The following GUCY1A2 variants were observed in gnomAD, a reference collection of about 807,000 sequenced individuals.
The protein encoded by GUCY1A2 is guanylate cyclase soluble subunit alpha-2.
GUCY1A2 carries 27 observed loss-of-function variants against 63.5 expected under a neutral mutation model. The observed-to-expected ratio is 0.43, with a 90% confidence interval of 0.31 to 0.59. GUCY1A2 has a LOEUF of 0.59. Among genes scored for constraint, GUCY1A2 ranks in the 20% least tolerant of loss-of-function variants. GUCY1A2 has a pLI of 0.11. For synonymous variants in GUCY1A2, 364 were observed against 343.5 expected (o/e 1.06, Z -0.66); for missense variants, 768 against 913.3 (o/e 0.84, Z 2.05).
chr11:106,836,635 T>C (rs190124605), intron 4 of GUCY1A2, among the ~76,000 whole-genome samples: 1 of 151,992 alleles, frequency 6.6e-6, no homozygotes, highest in East Asian at 1.9e-4. Context: ...CTGTAAAAAA[T>C]ACACAAAAAC....
chr11:106,870,090 C>T (rs1277311802), intron 4 of GUCY1A2, among the ~76,000 whole-genome samples: 1 of 120,936 alleles, frequency 8.3e-6, no homozygotes, highest in Non-Finnish European at 1.6e-5. Context: ...GAACATCACA[C>T]ACCAGGGCCT....
intron 6 of GUCY1A2, among the ~76,000 whole-genome samples, chr11:106,759,199 ATAGC>A (rs893333414): frequency 6.6e-6 from 1 of 151,988 alleles, no homozygotes; most frequent in Non-Finnish European, 1.5e-5. Context: ...TGCAACAGTC[ATAGC>A]TAGGGGATGG....
intron 4 of GUCY1A2, among the ~76,000 whole-genome samples, chr11:106,909,355 C>CTGTGTGTGTGTGCGTGTGTG (rs1860259675): frequency 8.3e-6 from 1 of 119,980 alleles, no homozygotes; most frequent in Admixed American, 9.0e-5. Flanking sequence ...TGGTACTCAT[C>CTGTGTGTGTGTGCGTGTGTG]TGTGTGTGTG....
intron 6 of GUCY1A2, among the ~76,000 whole-genome samples, chr11:106,739,135 T>G (rs1018703803): frequency 6.6e-6 from 1 of 152,152 alleles, no homozygotes; most frequent in African/African-American, 2.4e-5. Flanking sequence ...TTCCTAGGTA[T>G]TTTATTCTCT....
At chr11:106,950,454 C>T (rs1423852479) in intron 3 of GUCY1A2, among the ~76,000 whole-genome samples, 2 of 152,182 alleles carry the variant, frequency 1.3e-5, no homozygotes, top group Non-Finnish European at 2.9e-5. Flanking sequence ...ACACCTGGCC[C>T]CTTATTCTGG....
intron 4 of GUCY1A2, among the ~76,000 whole-genome samples, chr11:106,917,690 A>T (rs1379882936): frequency 7.1e-6 from 1 of 140,222 alleles, no homozygotes; most frequent in African/African-American, 2.5e-5. Flanking sequence ...AACTATCACA[A>T]GGACAAAAAA....
intron 7 of GUCY1A2, among the ~76,000 whole-genome samples, chr11:106,695,925 C>A (rs1862710384): frequency 6.6e-6 from 1 of 152,112 alleles, no homozygotes. Flanking sequence ...AAAGGGATAG[C>A]CTTCCTGTAT....
intron 4 of GUCY1A2, among the ~76,000 whole-genome samples, chr11:106,856,422 T>G (rs969392174): frequency 6.6e-6 from 1 of 152,080 alleles, no homozygotes; most frequent in Non-Finnish European, 1.5e-5. Context: ...AAAAAAGATC[T>G]GCCTTTTTTT....
intron 4 of GUCY1A2, among the ~76,000 whole-genome samples, chr11:106,841,192 C>G (rs886779417): frequency 1.3e-5 from 2 of 151,784 alleles, no homozygotes; most frequent in African/African-American, 4.8e-5. Flanking sequence ...CTGCAAACAC[C>G]CTCATCTCTA....
At chr11:106,846,966 T>C (rs553674252) in intron 4 of GUCY1A2, among the ~76,000 whole-genome samples, 1 of 151,516 alleles carries the variant, frequency 6.6e-6, no homozygotes, top group South Asian at 2.1e-4. Context: ...AAGAGGCCAA[T>C]TTCAAATGTC....
rs538343519 is a variant in GUCY1A2 at position 106,826,571 on chromosome 11, T to C, written c.1207-16093A>G. On this transcript the variant is annotated intron_variant, in intron 4 of 7. Transcript: ENST00000526355. Reference sequence around the variant, plus strand: ...ACGACTTTGATGTATTCTTGTCCTTTGGTACATCTCAGCATTAATTCATGA... The same window carrying C: ...ACGACTTTGATGTATTCTTGTCCTTCGGTACATCTCAGCATTAATTCATGA... 14 of 1,600,740 alleles carry C rather than the reference T, an allele frequency of 8.7e-6. No individual in the cohort carries two copies. The African/African-American group carries it at 1.3e-4, about 15-fold the overall frequency.
rs1863781697 is a variant in GUCY1A2 at position 106,746,074 on chromosome 11, C to T, written c.1836+30365G>A. Among the ~76,000 whole-genome samples the T allele has an allele frequency of 2.6e-5, 4 of 152,096 alleles. No individual in the cohort carries two copies. The South Asian group carries it at 8.3e-4, about 32-fold the overall frequency. On this transcript the variant is annotated intron_variant, in intron 6 of 7. Transcript: ENST00000526355. ...AAGTATTTTCTCTTTGGCTAAAGGA[C>T]AGGCACTTCCTGGTGAAGTAGAAGC...
At chr11:106,815,470 A>G (rs1265402881) in intron 4 of GUCY1A2, among the ~76,000 whole-genome samples, 11 of 151,878 alleles carry the variant, frequency 7.2e-5, no homozygotes, top group Non-Finnish European at 2.9e-5. Flanking sequence ...ACTCCAAGAT[A>G]CATTTTAGGG....
At chr11:106,926,211 G>C (rs550504669) in intron 4 of GUCY1A2, among the ~76,000 whole-genome samples, 132 of 152,164 alleles carry the variant, frequency 8.7e-4, no homozygotes, top group African/African-American at 2.9e-3. Context: ...CTTGAGGCCA[G>C]GAGTTCTAGA....
At chr11:106,880,164 C>T (rs542525862) in intron 4 of GUCY1A2, among the ~76,000 whole-genome samples, 5 of 152,100 alleles carry the variant, frequency 3.3e-5, no homozygotes, top group Admixed American at 3.3e-4. Context: ...CAGAATGACA[C>T]CATGGCCTAA....
intron 4 of GUCY1A2, among the ~76,000 whole-genome samples, chr11:106,822,819 TG>T: frequency 6.6e-6 from 1 of 152,052 alleles, no homozygotes. Flanking sequence ...CCTCTATTAA[TG>T]AAAAAAAGAC....
chr11:106,974,540 T>C (rs1861237912), intron 3 of GUCY1A2, among the ~76,000 whole-genome samples: 1 of 152,078 alleles, frequency 6.6e-6, no homozygotes, highest in South Asian at 2.1e-4. Context: ...GAGAGTTCCA[T>C]ACCAGCTAAA....
intron 6 of GUCY1A2, among the ~76,000 whole-genome samples, chr11:106,766,646 G>A (rs371015220): frequency 1.3e-5 from 2 of 151,890 alleles, no homozygotes; most frequent in East Asian, 3.9e-4. Flanking sequence ...GGTCAAAAAC[G>A]TAAAAGCTAA....
chr11:106,790,272 C>A (rs1048625086), intron 5 of GUCY1A2, among the ~76,000 whole-genome samples: 2 of 152,160 alleles, frequency 1.3e-5, no homozygotes, highest in African/African-American at 2.4e-5. Flanking sequence ...GTGGCCACCA[C>A]CACCATAGGC....
Sources: allele counts gnomAD v4.1 joint callset (sites outside exome capture counted in the v4.1 genomes callset), GRCh38; gene constraint gnomAD v4.1.1; transcripts MANE v1.5; gene names NCBI Gene and HGNC (gene_info 2026-07-23, HGNC 2026-07-21).